SLCO2A1: variants seen among roughly 807,000 people sequenced by gnomAD.
SLCO2A1 encodes matrin F/G 1.
In SLCO2A1, 60 loss-of-function variants were observed where a neutral mutation model predicts 71.7. That is an observed-to-expected ratio of 0.84 (90% CI 0.68 to 1.04). The LOEUF is 1.04. Ranked by LOEUF, SLCO2A1 falls within the 50% of genes least tolerant of loss-of-function variation. The pLI is 0.00. For synonymous variants in SLCO2A1, 308 were observed against 326.7 expected, an observed-to-expected ratio of 0.94 and a Z score of 0.62; for missense variants, 745 against 813.4, an observed-to-expected ratio of 0.92 and a Z score of 1.02.
chr3:133,957,137 CCCCACCAA>C (rs1418123894), intron 3 of SLCO2A1, among the ~76,000 whole-genome samples: 2 of 152,216 alleles, frequency 1.3e-5, no homozygotes, highest in East Asian at 3.9e-4. Context: ...CTCTGCCCAT[CCCCACCAA>C]CCACAACCCA....
intron 3 of SLCO2A1, among the ~76,000 whole-genome samples, chr3:133,966,821 A>C (rs1934189647): frequency 6.6e-6 from 1 of 152,318 alleles, no homozygotes; most frequent in South Asian, 2.1e-4. Context: ...CCAGCTCTAC[A>C]GCTCTACTAA....
At chr3:133,935,554 G>C (rs1056060786) in intron 13 of SLCO2A1, among the ~76,000 whole-genome samples, 1 of 152,290 alleles carries the variant, frequency 6.6e-6, no homozygotes, top group Middle Eastern at 3.4e-3. Context: ...CCTTCCAAGG[G>C]CTTTCGGGTC....
intron 4 of SLCO2A1, 146 bp downstream of exon 4, chr3:133,954,820 A>C (rs1933840244): frequency 4.7e-6 from 3 of 631,896 alleles, no homozygotes; most frequent in South Asian, 2.1e-5. Context: ...ATTCAAACCA[A>C]GTCTGTCGGA....
In SLCO2A1 at chr3:133,950,843, G is replaced by A. The variant is rs553889104; in HGVS notation, c.861+365C>T. The A allele has an allele frequency of 1.6e-5, 5 of 310,424 alleles. No individual in the cohort carries two copies. In the Admixed American group the frequency reaches 2.3e-4, roughly 14 times the overall value. 19.2% of individuals were successfully genotyped at this position (310,424 alleles called of 1,614,324 possible). A position where few individuals can be genotyped will look rare whatever the true frequency, so the allele number is the denominator to read the frequency against. ...ACTCAGTTTTTCAGGTTCAAACACT[G>A]AACACTGATAGGCCCTATTAAATGT... On this transcript the variant is annotated intron_variant, in intron 6 of 13. Coordinates refer to ENST00000310926, the MANE Select transcript of SLCO2A1 (RefSeq NM_005630.3).
intron 1 of SLCO2A1, among the ~76,000 whole-genome samples, chr3:134,015,837 C>T (rs563646353): frequency 3.8e-4 from 57 of 151,750 alleles, no homozygotes; most frequent in Non-Finnish European, 7.2e-4. Context: ...GCAGAAACAA[C>T]GAAACAAAAT....
At chr3:134,002,778 C>G (rs988013995) in intron 1 of SLCO2A1, among the ~76,000 whole-genome samples, 2 of 152,188 alleles carry the variant, frequency 1.3e-5, no homozygotes, top group Admixed American at 1.3e-4. Flanking sequence ...GAACAACCAC[C>G]TTAGACCCAA....
At chr3:133,949,205 C>T (rs1039851729) in intron 6 of SLCO2A1, 2 of 560,152 alleles carry the variant, frequency 3.6e-6, no homozygotes, top group East Asian at 3.0e-5. Context: ...CCAATGCCTC[C>T]CACGATACCT....
At chr3:133,976,827 C>G (rs1464415971) in intron 2 of SLCO2A1, among the ~76,000 whole-genome samples, 1 of 152,200 alleles carries the variant, frequency 6.6e-6, no homozygotes, top group Non-Finnish European at 1.5e-5. Flanking sequence ...CAGCCCTAGC[C>G]TTTCGTAGTG....
rs1459762448 is a variant in SLCO2A1, at chr3:133,932,709, A to G, written c.*2004T>C. On this transcript the variant is annotated 3_prime_UTR_variant, in exon 14 of 14. Coordinates refer to ENST00000310926, the MANE Select transcript of SLCO2A1 (RefSeq NM_005630.3). Reference sequence around the variant, plus strand: ...TTCATGACCAAGTTACCTCAATAGCAAAATTAGAATATTTTAATAGTAATA... The same window carrying G: ...TTCATGACCAAGTTACCTCAATAGCGAAATTAGAATATTTTAATAGTAATA... 1 of 152,264 alleles carries G rather than the reference A, an allele frequency of 6.6e-6. No individual in the cohort carries two copies. Among genetic ancestry groups the G allele is most frequent in the Non-Finnish European group, 1.5e-5 (1 of 68,038 alleles). 9.4% of individuals were successfully genotyped at this position (152,264 alleles called of 1,614,324 possible).
At chr3:133,984,681 C>G (rs768368195) in intron 1 of SLCO2A1, among the ~76,000 whole-genome samples, 3 of 152,174 alleles carry the variant, frequency 2.0e-5, no homozygotes, top group Non-Finnish European at 2.9e-5. Context: ...AAGCCCATCC[C>G]TTGAGGAGGA....
Position 133,951,280 on chromosome 3 carries a change from AATG to A in SLCO2A1, c.786_788del (p.Ile263del), listed in dbSNP as rs780748506. ...AGGTGAGAACCAATAAAGCTGAAGA[AATG>A]AGCAGGCCTAGCCACCAGGCTCCAA... On this transcript the variant is annotated inframe_deletion, in exon 6 of 14. Transcript: ENST00000310926. 7 of 1,614,184 alleles carry A rather than the reference AATG, an allele frequency of 4.3e-6. No homozygotes were observed. Among genetic ancestry groups the A allele is most frequent in the Non-Finnish European group, 5.1e-6 (6 of 1,180,040 alleles).
intron 6 of SLCO2A1, chr3:133,949,277 C>A: frequency 2.9e-6 from 1 of 344,496 alleles, no homozygotes; most frequent in Non-Finnish European, 5.5e-6. Context: ...CTTCCTGGAC[C>A]CCACCCCTCA....
chr3:133,942,527 G>A, intron 11 of SLCO2A1, 78 bp downstream of exon 11: 1 of 1,445,734 alleles, frequency 6.9e-7, no homozygotes, highest in Non-Finnish European at 9.3e-7. Flanking sequence ...ATGAGAAACA[G>A]GCAACTAGGC....
At chr3:133,953,251 G>A (rs541832799) in intron 5 of SLCO2A1, among the ~76,000 whole-genome samples, 84 of 152,184 alleles carry the variant, frequency 5.5e-4, no homozygotes, top group Non-Finnish European at 9.4e-4. Context: ...GTTAGCCAGG[G>A]TGGTCTTGAT....
At chr3:133,965,340 C>T (rs1934137939) in intron 3 of SLCO2A1, among the ~76,000 whole-genome samples, 1 of 152,222 alleles carries the variant, frequency 6.6e-6, no homozygotes. Flanking sequence ...GGAAAACTGG[C>T]TCAAAGCATG....
At chr3:133,990,606 G>T (rs1934820302) in intron 1 of SLCO2A1, among the ~76,000 whole-genome samples, 1 of 152,144 alleles carries the variant, frequency 6.6e-6, no homozygotes, top group African/African-American at 2.4e-5. Context: ...GTCTCCAACA[G>T]ATGGCAGGTG....
At chr3:133,938,295 C>T in intron 12 of SLCO2A1, 134 bp downstream of exon 12, 1 of 801,216 alleles carries the variant, frequency 1.2e-6, no homozygotes, top group Non-Finnish European at 2.2e-6. Flanking sequence ...TTGGCATCTG[C>T]TGTTGATTAT....
At chr3:133,965,878 T>C (rs147369038) in intron 3 of SLCO2A1, among the ~76,000 whole-genome samples, 80 of 152,294 alleles carry the variant, frequency 5.3e-4, no homozygotes, top group African/African-American at 1.9e-3. Flanking sequence ...GATGGGCTGG[T>C]TCTGCTTGGT....
chr3:133,985,331 T>A (rs1397867547), intron 1 of SLCO2A1, among the ~76,000 whole-genome samples: 1 of 152,236 alleles, frequency 6.6e-6, no homozygotes, highest in African/African-American at 2.4e-5. Context: ...CTTCCCATGC[T>A]TCTTTAACTA....
Sources: gnomAD v4.1 joint callset for allele counts (sites outside exome capture counted in the v4.1 genomes callset) on GRCh38, gnomAD v4.1.1 for gene constraint, MANE v1.5 for transcripts, NCBI Gene and HGNC (gene_info 2026-07-23, HGNC 2026-07-21) for gene names.